ST8SIA1: variants seen among roughly 807,000 people sequenced by gnomAD.
ST8SIA1 encodes the protein alpha-N-acetylneuraminide alpha-2,8-sialyltransferase.
In ST8SIA1, 16 loss-of-function variants were observed where a neutral mutation model predicts 35.9. The ratio of observed to expected loss-of-function variants is 0.45; its 90% CI spans 0.30 to 0.68. The LOEUF (loss-of-function observed/expected upper bound fraction) is 0.68. Among genes scored for constraint, ST8SIA1 ranks in the 30% least tolerant of loss-of-function variants. The probability of loss-of-function intolerance (pLI) is 0.09; values close to 1 mark genes in which losing one functional copy is unlikely to be tolerated. For synonymous variants in ST8SIA1, 170 were observed against 169.6 expected (o/e 1.00, Z -0.02); for missense variants, 383 against 453.6 (o/e 0.84, Z 1.41).
intron 4 of ST8SIA1, among the ~76,000 whole-genome samples, chr12:22,238,394 G>T (rs1471171214): frequency 6.6e-6 from 1 of 152,146 alleles, no homozygotes; most frequent in Non-Finnish European, 1.5e-5. Context: ...ATGCTGTGAG[G>T]GTGCCCACAC....
At chr12:22,297,752 T>C (rs1421280630) in intron 1 of ST8SIA1, among the ~76,000 whole-genome samples, 1 of 152,136 alleles carries the variant, frequency 6.6e-6, no homozygotes, top group African/African-American at 2.4e-5. Context: ...AATTATGAAA[T>C]ATAAATTTGC....
intron 1 of ST8SIA1, among the ~76,000 whole-genome samples, chr12:22,331,508 G>A (rs1028444398): frequency 6.6e-6 from 1 of 152,178 alleles, no homozygotes; most frequent in Non-Finnish European, 1.5e-5. Context: ...GTGCATTTGT[G>A]TGCATATATC....
intron 2 of ST8SIA1, among the ~76,000 whole-genome samples, chr12:22,277,342 G>A (rs1292933712): frequency 1.3e-5 from 2 of 150,178 alleles, no homozygotes; most frequent in Non-Finnish European, 3.0e-5. Context: ...GGATGTCACA[G>A]AAAGGCAAAT....
At chr12:22,231,819 T>C (rs56750069) in intron 4 of ST8SIA1, among the ~76,000 whole-genome samples, 7,302 of 152,166 alleles carry the variant, frequency 0.048, 348 homozygotes, top group South Asian at 0.16. Flanking sequence ...ATGATCCGCC[T>C]GCCTCAGCCT....
chr12:22,283,825 G>T (rs1866064120), intron 2 of ST8SIA1, among the ~76,000 whole-genome samples: 1 of 152,068 alleles, frequency 6.6e-6, no homozygotes, highest in African/African-American at 2.4e-5. Context: ...GCACTGCAGT[G>T]GGCACAAAAG....
At chr12:22,313,177 T>C in intron 1 of ST8SIA1, among the ~76,000 whole-genome samples, 1 of 152,140 alleles carries the variant, frequency 6.6e-6, no homozygotes, top group East Asian at 1.9e-4. Context: ...CAATAGAAAT[T>C]AAATAGTACC....
chr12:22,223,185 CAA>C (rs1393553036), intron 4 of ST8SIA1: 4 of 152,158 alleles, frequency 2.6e-5, no homozygotes, highest in African/African-American at 9.6e-5. Flanking sequence ...CAGTTTCATG[CAA>C]GTGTTTAATG....
chr12:22,210,943 G>A (rs796501895), intron 4 of ST8SIA1, among the ~76,000 whole-genome samples: 26 of 152,226 alleles, frequency 1.7e-4, no homozygotes, highest in African/African-American at 6.0e-4. Context: ...AACCAATCGT[G>A]CTGTTTCTGT....
intron 4 of ST8SIA1, among the ~76,000 whole-genome samples, chr12:22,241,359 G>C (rs1308807732): frequency 1.3e-5 from 2 of 152,038 alleles, no homozygotes; most frequent in African/African-American, 2.4e-5. Context: ...CCTTGCAATA[G>C]TAAGTGACTT....
intron 1 of ST8SIA1, among the ~76,000 whole-genome samples, chr12:22,317,020 G>T (rs1423465295): frequency 6.6e-6 from 1 of 152,112 alleles, no homozygotes; most frequent in Non-Finnish European, 1.5e-5. Context: ...GCTGTCTCAT[G>T]ACCCAGAAAT....
At chr12:22,261,293 C>T (rs1350620413) in intron 2 of ST8SIA1, among the ~76,000 whole-genome samples, 5 of 151,966 alleles carry the variant, frequency 3.3e-5, no homozygotes, top group African/African-American at 1.2e-4. Flanking sequence ...TACAGGTGCC[C>T]GCCACCACGC....
chr12:22,274,183 C>G (rs1430524335), intron 2 of ST8SIA1, among the ~76,000 whole-genome samples: 1 of 152,166 alleles, frequency 6.6e-6, no homozygotes, highest in Non-Finnish European at 1.5e-5. Context: ...GCTGGAGCCA[C>G]AGGAAGAGAT....
intron 4 of ST8SIA1, among the ~76,000 whole-genome samples, chr12:22,242,183 G>A (rs1250298843): frequency 1.3e-5 from 2 of 152,084 alleles, no homozygotes; most frequent in Non-Finnish European, 2.9e-5. Context: ...AAGGAGCTGT[G>A]TCTTATTTTA....
At chr12:22,205,038 T>G (rs1375409502) in intron 4 of ST8SIA1, among the ~76,000 whole-genome samples, 1 of 152,192 alleles carries the variant, frequency 6.6e-6, no homozygotes, top group Non-Finnish European at 1.5e-5. Context: ...ATATATTCAT[T>G]TTTGCTGATC....
chr12:22,287,386 A>G, intron 1 of ST8SIA1, 93 bp from the exon 2 acceptor site: 2 of 1,295,430 alleles, frequency 1.5e-6, no homozygotes, highest in Non-Finnish European at 2.1e-6. Flanking sequence ...GTGCCACCTT[A>G]CCTCAGTGCC....
intron 4 of ST8SIA1, among the ~76,000 whole-genome samples, chr12:22,210,263 A>G (rs771036088): frequency 1.3e-5 from 2 of 152,206 alleles, no homozygotes; most frequent in Non-Finnish European, 2.9e-5. Context: ...TTACATATAC[A>G]TATGTGGTGC....
rs1427437776 is a variant in ST8SIA1 at position 22,199,414 on chromosome 12, C to G, written c.*2138G>C. On this transcript the variant is annotated 3_prime_UTR_variant, in exon 5 of 5. Transcript: ENST00000396037. Reference sequence around the variant, plus strand: ...AGCCTTTTATATTTTTAATGGTAGACTAGTAAAAATGTATTCTTTTTTAGG... The same window carrying G: ...AGCCTTTTATATTTTTAATGGTAGAGTAGTAAAAATGTATTCTTTTTTAGG... The G allele has an allele frequency of 6.6e-6, 1 of 151,920 alleles. No homozygotes were observed. The highest frequency in any genetic ancestry group is 2.4e-5 in the African/African-American group (1 of 41,372). The allele number at this position is 151,920 out of a possible 1,614,324, so 9.4% of individuals were successfully genotyped here. A position where few individuals can be genotyped will look rare whatever the true frequency, so the allele number is the denominator to read the frequency against.
intron 2 of ST8SIA1, among the ~76,000 whole-genome samples, chr12:22,271,766 T>C (rs1865914170): frequency 6.6e-6 from 1 of 152,158 alleles, no homozygotes; most frequent in South Asian, 2.1e-4. Context: ...TACATCAGCC[T>C]TTCCTGTCTC....
At chr12:22,217,292 A>C (rs948452469) in intron 4 of ST8SIA1, among the ~76,000 whole-genome samples, 1 of 152,216 alleles carries the variant, frequency 6.6e-6, no homozygotes, top group Non-Finnish European at 1.5e-5. Flanking sequence ...ACTAAACTTT[A>C]AAAACAGATA....
Sources: allele counts gnomAD v4.1 joint callset (sites outside exome capture counted in the v4.1 genomes callset), GRCh38; gene constraint gnomAD v4.1.1; transcripts MANE v1.5; gene names NCBI Gene and HGNC (gene_info 2026-07-23, HGNC 2026-07-21).